The following MAN1A2 variants were observed in gnomAD, a reference collection of about 807,000 sequenced individuals.
MAN1A2 encodes mannosyl-oligosaccharide 1,2-alpha-mannosidase IB.
In MAN1A2, 26 loss-of-function variants were observed where a neutral mutation model predicts 75.7. The ratio of observed to expected loss-of-function variants is 0.34; its 90% CI spans 0.25 to 0.48. MAN1A2 has a LOEUF of 0.48. Ranked by LOEUF, MAN1A2 falls within the 20% of genes least tolerant of loss-of-function variation. The pLI, the probability that MAN1A2 is intolerant of heterozygous loss-of-function variation, is 0.99. For missense variants in MAN1A2, 562 were observed against 775.5 expected (o/e 0.72, Z 3.27); for synonymous variants, 247 against 264.6 (o/e 0.93, Z 0.65).
chr1:117,455,169 G>T (rs1178995049), intron 6 of MAN1A2, among the ~76,000 whole-genome samples: 3 of 152,098 alleles, frequency 2.0e-5, no homozygotes, highest in Non-Finnish European at 4.4e-5. Context: ...ATACCATTTA[G>T]CCATAAAAAG....
chr1:117,482,933 C>T (rs182640397), intron 8 of MAN1A2, among the ~76,000 whole-genome samples: 26 of 152,006 alleles, frequency 1.7e-4, no homozygotes, highest in Admixed American at 4.6e-4. Flanking sequence ...GTAAGGAAGG[C>T]ATCCAGTTTT....
At position 117,528,725 on chromosome 1, in the gene MAN1A2, A is replaced by G. The variant is rs542543786; in HGVS notation, c.*5768A>G. 5 of 152,214 alleles carry G rather than the reference A, an allele frequency of 3.3e-5. No homozygotes were observed. Among genetic ancestry groups the G allele is most frequent in the African/African-American group, 9.6e-5 (4 of 41,542 alleles). The allele number at this position is 152,214 out of a possible 1,614,324, so 9.4% of individuals were successfully genotyped here. On this transcript the variant is annotated 3_prime_UTR_variant, in exon 13 of 13. Transcript: ENST00000356554. ...ATTGATAGAATTTTTTCTTAAACTA[A>G]TAAGTGGGGTAAGTATAATCTCCTA...
intron 12 of MAN1A2, 125 bp from the exon 13 acceptor site, chr1:117,522,700 C>A: frequency 1.3e-6 from 1 of 788,628 alleles, no homozygotes; most frequent in Non-Finnish European, 2.1e-6. Context: ...AGGTTTATTT[C>A]TTTGATGTTT....
intron 3 of MAN1A2, among the ~76,000 whole-genome samples, chr1:117,414,192 GT>G (rs1037946970): frequency 3.4e-4 from 51 of 150,368 alleles, no homozygotes; most frequent in Non-Finnish European, 6.1e-4. Context: ...GTTAAGGATT[GT>G]TTTTTTTCCA....
chr1:117,423,695 C>G (rs2101784576), intron 5 of MAN1A2, among the ~76,000 whole-genome samples: 1 of 152,064 alleles, frequency 6.6e-6, no homozygotes. Flanking sequence ...CTTAAATTCT[C>G]AGTTGTCTCA....
rs144765886 is a variant in MAN1A2, at chr1:117,410,774, T to C, written c.656-3939T>C. 7.2e-4 allele frequency among the ~76,000 whole-genome samples: 109 copies of C among 151,724 alleles called. 1 individual carries two copies. The highest frequency in any genetic ancestry group is 2.6e-3 in the African/African-American group (108 of 41,476). On this transcript the variant is annotated intron_variant, in intron 3 of 12. Coordinates refer to ENST00000356554, the MANE Select transcript of MAN1A2 (RefSeq NM_006699.5). Reference sequence around the variant, plus strand: ...TTTAGTAATGTTATAGGATACAAGTTTAATATGCAAAACCAATTATGTGTC... The same window carrying C: ...TTTAGTAATGTTATAGGATACAAGTCTAATATGCAAAACCAATTATGTGTC...
intron 4 of MAN1A2, among the ~76,000 whole-genome samples, chr1:117,418,588 T>C (rs10923289): frequency 0.12 from 18,855 of 152,174 alleles, 1,224 homozygotes; most frequent in Non-Finnish European, 0.14. Flanking sequence ...TAATATTTTA[T>C]TTTTTGCTTT....
At chr1:117,429,641 C>G (rs1279553592) in intron 5 of MAN1A2, among the ~76,000 whole-genome samples, 1 of 111,322 alleles carries the variant, frequency 9.0e-6, no homozygotes, top group African/African-American at 3.5e-5. Flanking sequence ...CTCCTCACTT[C>G]CCAGTAGGGG....
chr1:117,367,554 G>C lies in MAN1A2; in HGVS notation c.-630G>C, dbSNP rs971129165. ...CCAGCCGTCGAGTGGGCAGCAGCGGGACTCAGCCGGGCGCCAGGTTCCTGC... is the reference window on the plus strand; with the variant it reads ...CCAGCCGTCGAGTGGGCAGCAGCGGCACTCAGCCGGGCGCCAGGTTCCTGC... On this transcript the variant is annotated 5_prime_UTR_variant, in exon 1 of 13. Transcript: ENST00000356554. 6.6e-6 allele frequency: 1 copy of C among 152,396 alleles called. No homozygotes were observed. Among genetic ancestry groups the C allele is most frequent in the African/African-American group, 2.4e-5 (1 of 41,466 alleles). 9.4% of individuals were successfully genotyped at this position (152,396 alleles called of 1,614,324 possible).
At chr1:117,461,277 T>A (rs993102122) in intron 7 of MAN1A2, among the ~76,000 whole-genome samples, 1 of 152,158 alleles carries the variant, frequency 6.6e-6, no homozygotes, top group African/African-American at 2.4e-5. Flanking sequence ...GAGGACATTA[T>A]GTTAAGTGAA....
intron 1 of MAN1A2, among the ~76,000 whole-genome samples, chr1:117,395,855 T>A (rs1261037600): frequency 6.6e-6 from 1 of 152,224 alleles, no homozygotes; most frequent in Non-Finnish European, 1.5e-5. Flanking sequence ...TCTGGCTTGA[T>A]AATTTGCAAG....
intron 6 of MAN1A2, among the ~76,000 whole-genome samples, chr1:117,443,675 T>C (rs950950639): frequency 6.6e-6 from 1 of 152,182 alleles, no homozygotes; most frequent in Non-Finnish European, 1.5e-5. Context: ...GAGCTTTTTA[T>C]AAGATTAATT....
intron 1 of MAN1A2, among the ~76,000 whole-genome samples, chr1:117,377,830 T>C (rs1314539469): frequency 1.3e-5 from 2 of 152,136 alleles, no homozygotes; most frequent in Middle Eastern, 6.3e-3. Flanking sequence ...TTAAAAGTTA[T>C]TGGCTCATGC....
chr1:117,433,664 C>T (rs1230657523), intron 5 of MAN1A2, among the ~76,000 whole-genome samples: 1 of 152,084 alleles, frequency 6.6e-6, no homozygotes, highest in Non-Finnish European at 1.5e-5. Flanking sequence ...TGTACTTCTC[C>T]TTTTTTTCTA....
chr1:117,477,880 A>G (rs1650373083), intron 8 of MAN1A2, among the ~76,000 whole-genome samples: 1 of 152,078 alleles, frequency 6.6e-6, no homozygotes, highest in Non-Finnish European at 1.5e-5. Flanking sequence ...ATGTTTAGAA[A>G]ACCCCATCGC....
At chr1:117,400,461 A>G (rs533898653) in intron 1 of MAN1A2, among the ~76,000 whole-genome samples, 2 of 149,178 alleles carry the variant, frequency 1.3e-5, no homozygotes, top group East Asian at 3.9e-4. Flanking sequence ...TATATGTAAC[A>G]ATTCTATCAT....
intron 1 of MAN1A2, among the ~76,000 whole-genome samples, chr1:117,375,263 T>C (rs1653098240): frequency 6.6e-6 from 1 of 152,154 alleles, no homozygotes; most frequent in South Asian, 2.1e-4. Flanking sequence ...AAGGCTATAA[T>C]TTCCTTTTTT....
chr1:117,429,133 C>G (rs1334838227), intron 5 of MAN1A2, among the ~76,000 whole-genome samples: 4 of 147,264 alleles, frequency 2.7e-5, no homozygotes, highest in Admixed American at 6.7e-5. Flanking sequence ...GGTCACAGAT[C>G]AACAGGATCC....
At chr1:117,427,809 T>C (rs570058034) in intron 5 of MAN1A2, among the ~76,000 whole-genome samples, 6 of 152,298 alleles carry the variant, frequency 3.9e-5, no homozygotes, top group African/African-American at 1.4e-4. Flanking sequence ...AGAGATTACT[T>C]TTTCAAAATT....
Sources: gnomAD v4.1 joint callset for allele counts (sites outside exome capture counted in the v4.1 genomes callset) on GRCh38, gnomAD v4.1.1 for gene constraint, MANE v1.5 for transcripts, NCBI Gene and HGNC (gene_info 2026-07-23, HGNC 2026-07-21) for gene names.